The following HTR1E variants were observed in gnomAD, a reference collection of about 807,000 sequenced individuals.
HTR1E encodes the protein 5-hydroxytryptamine receptor 1E, also known as 5-HT-1E.
HTR1E carries 3 observed loss-of-function variants against 3.4 expected under a neutral mutation model. The observed-to-expected ratio is 0.89, with a 90% CI of 0.41 to 2.31. The LOEUF (loss-of-function observed/expected upper bound fraction) is 2.31, where lower values mean the gene tolerates loss of function less well. HTR1E is among the 30% of genes most tolerant of loss of function. The probability of loss-of-function intolerance (pLI) is 0.05; values close to 1 mark genes in which losing one functional copy is unlikely to be tolerated. For missense variants in HTR1E, 392 were observed against 467.0 expected (o/e 0.84, Z 1.48); for synonymous variants, 170 against 182.8 (o/e 0.93, Z 0.56).
At position 87,007,868 on chromosome 6, in the gene HTR1E, A is replaced by C. The variant is rs140575171; in HGVS notation, c.-185-7282A>C. Among the ~76,000 whole-genome samples the C allele has an allele frequency of 5.3e-5, 8 of 152,242 alleles. No individual in the cohort carries two copies. The East Asian group carries it at 1.5e-3, about 29-fold the overall frequency. On this transcript the variant is annotated intron_variant, in intron 1 of 1. Coordinates refer to ENST00000305344, the MANE Select transcript of HTR1E (RefSeq NM_000865.3). Reference sequence around the variant, plus strand: ...AGGATCGCTTGACACTGGAAGGCGGAGGTTGCAGTGAGCCAAGATCATGCC... The same window carrying C: ...AGGATCGCTTGACACTGGAAGGCGGCGGTTGCAGTGAGCCAAGATCATGCC...
intron 1 of HTR1E, among the ~76,000 whole-genome samples, chr6:87,013,469 T>A (rs1325880510): frequency 6.6e-6 from 1 of 152,178 alleles, no homozygotes; most frequent in Non-Finnish European, 1.5e-5. Context: ...CCTCATAGGA[T>A]GTATCCATTT....
chr6:86,984,464 G>A (rs1350322327), intron 1 of HTR1E, among the ~76,000 whole-genome samples: 2 of 152,134 alleles, frequency 1.3e-5, no homozygotes, highest in African/African-American at 4.8e-5. Context: ...CCCATGACTT[G>A]GGTTTTAATA....
intron 1 of HTR1E, among the ~76,000 whole-genome samples, chr6:86,995,665 C>CAAAAAAAA (rs60134206): frequency 1.4e-3 from 53 of 36,610 alleles, no homozygotes; most frequent in East Asian, 2.0e-3. Context: ...GACTCCATCT[C>CAAAAAAAA]AAAAAAAAAA....
At chr6:86,980,116 G>T (rs575745446) in intron 1 of HTR1E, among the ~76,000 whole-genome samples, 58 of 152,226 alleles carry the variant, frequency 3.8e-4, no homozygotes, top group African/African-American at 1.3e-3. Flanking sequence ...GGCCAGGCGC[G>T]GTGGCTCACG....
chr6:87,010,641 G>T (rs552031719), intron 1 of HTR1E, among the ~76,000 whole-genome samples: 2,190 of 144,772 alleles, frequency 0.015, 30 homozygotes, highest in Non-Finnish European at 0.024. Context: ...GCGGCCGGGC[G>T]GAGACGCTCC....
intron 1 of HTR1E, among the ~76,000 whole-genome samples, chr6:86,949,628 A>G (rs1326605220): frequency 1.3e-5 from 2 of 152,160 alleles, no homozygotes; most frequent in Non-Finnish European, 2.9e-5. Flanking sequence ...AAATAGATTT[A>G]AGTTACTAGC....
At chr6:87,013,704 G>T (rs1346232782) in intron 1 of HTR1E, among the ~76,000 whole-genome samples, 1 of 151,522 alleles carries the variant, frequency 6.6e-6, no homozygotes, top group Admixed American at 6.6e-5. Context: ...ATGTATAAAA[G>T]AATAAATATA....
chr6:86,992,282 G>T lies in HTR1E; in HGVS notation c.-185-22868G>T, dbSNP rs1582275433. Among the ~76,000 whole-genome samples the T allele has an allele frequency of 2.0e-5, 3 of 152,288 alleles. No individual in the cohort carries two copies. In the East Asian group the frequency reaches 5.8e-4, roughly 29 times the overall value. On this transcript the variant is annotated intron_variant, in intron 1 of 1. Transcript: ENST00000305344. ...TTTATGTAGATAGGGAAAATTACTTGTATAACTTGCCCTTTTTCTCCTCAT... is the reference window on the plus strand; with the variant it reads ...TTTATGTAGATAGGGAAAATTACTTTTATAACTTGCCCTTTTTCTCCTCAT...
At chr6:86,947,704 A>G (rs532007216) in intron 1 of HTR1E, among the ~76,000 whole-genome samples, 22 of 152,286 alleles carry the variant, frequency 1.4e-4, no homozygotes, top group African/African-American at 5.3e-4. Context: ...TCTAATTAAC[A>G]TTATTTTTTA....
At chr6:87,002,270 G>A (rs530626596) in intron 1 of HTR1E, among the ~76,000 whole-genome samples, 22 of 152,258 alleles carry the variant, frequency 1.4e-4, no homozygotes, top group African/African-American at 4.8e-4. Flanking sequence ...TGGTGGGTTC[G>A]TGGTCTTGCT....
chr6:86,940,002 G>A (rs756389977), intron 1 of HTR1E, among the ~76,000 whole-genome samples: 3 of 152,170 alleles, frequency 2.0e-5, no homozygotes, highest in East Asian at 1.9e-4. Context: ...GGAAGATAAC[G>A]AAGTCAGCGT....
At chr6:86,989,688 C>A (rs1317152856) in intron 1 of HTR1E, among the ~76,000 whole-genome samples, 1 of 152,060 alleles carries the variant, frequency 6.6e-6, no homozygotes, top group Non-Finnish European at 1.5e-5. Context: ...GCATAAAAAC[C>A]ATAGGATGTT....
chr6:86,972,851 A>T (rs1019579634), intron 1 of HTR1E, among the ~76,000 whole-genome samples: 8 of 152,210 alleles, frequency 5.3e-5, no homozygotes, highest in Non-Finnish European at 2.9e-5. Flanking sequence ...CTGCCAAATC[A>T]TAATGAGTTT....
chr6:86,981,741 C>A (rs757661814), intron 1 of HTR1E, among the ~76,000 whole-genome samples: 2 of 152,170 alleles, frequency 1.3e-5, no homozygotes, highest in Non-Finnish European at 2.9e-5. Flanking sequence ...ATTCTCATAA[C>A]TGTCCTTTGA....
chr6:87,007,559 T>C (rs1768133759), intron 1 of HTR1E, among the ~76,000 whole-genome samples: 1 of 152,250 alleles, frequency 6.6e-6, no homozygotes, highest in Admixed American at 6.5e-5. Context: ...TTACTTGTTG[T>C]ATGCCTGTAT....
chr6:86,940,298 G>A (rs1768526984), intron 1 of HTR1E, among the ~76,000 whole-genome samples: 1 of 151,958 alleles, frequency 6.6e-6, no homozygotes, highest in Admixed American at 6.6e-5. Context: ...CACTTTAGGA[G>A]GCCAAGGCAG....
chr6:86,972,473 G>C (rs1391862415), intron 1 of HTR1E, among the ~76,000 whole-genome samples: 1 of 152,052 alleles, frequency 6.6e-6, no homozygotes. Context: ...GTATGGGGCA[G>C]TTTTCCAAGT....
At chr6:86,996,637 T>G (rs1239528867) in intron 1 of HTR1E, among the ~76,000 whole-genome samples, 1 of 152,006 alleles carries the variant, frequency 6.6e-6, no homozygotes, top group Non-Finnish European at 1.5e-5. Context: ...TCTGTACATG[T>G]AAATATAACA....
chr6:86,994,218 T>C (rs1412974308), intron 1 of HTR1E, among the ~76,000 whole-genome samples: 1 of 152,182 alleles, frequency 6.6e-6, no homozygotes, highest in African/African-American at 2.4e-5. Context: ...AAAAAGTATT[T>C]TTTAAAATAA....
Sources: gnomAD v4.1 joint callset for allele counts (sites outside exome capture counted in the v4.1 genomes callset) on GRCh38, gnomAD v4.1.1 for gene constraint, MANE v1.5 for transcripts, NCBI Gene and HGNC (gene_info 2026-07-23, HGNC 2026-07-21) for gene names.